The following TIPIN variants were observed in gnomAD, a reference collection of about 807,000 sequenced individuals.
TIPIN encodes TIMELESS interacting protein.
TIPIN carries 29 observed loss-of-function variants against 35.6 expected under a neutral mutation model. The ratio of observed to expected loss-of-function variants is 0.82; its 90% CI spans 0.61 to 1.11. The LOEUF is 1.11. Ranked by LOEUF, TIPIN falls within the 50% of genes most tolerant of loss-of-function variation. The pLI, the probability that TIPIN is intolerant of heterozygous loss-of-function variation, is 0.00. For missense variants in TIPIN, 296 were observed against 345.4 expected (o/e 0.86, Z 1.13); for synonymous variants, 102 against 121.5 (o/e 0.84, Z 1.06).
chr15:66,373,044 G>C (rs1049660104), intron 1 of TIPIN, among the ~76,000 whole-genome samples: 1 of 152,180 alleles, frequency 6.6e-6, no homozygotes, highest in African/African-American at 2.4e-5. Flanking sequence ...GGAGCAATAG[G>C]CTGTATCATG....
Position 66,370,890 on chromosome 15 carries a change from T to C in TIPIN, c.-9+15717A>G, listed in dbSNP as rs140526774. Among the ~76,000 whole-genome samples the C allele has an allele frequency of 2.0e-4, 31 of 152,164 alleles. No individual in the cohort carries two copies. In the East Asian group the frequency reaches 5.6e-3, roughly 27 times the overall value. On this transcript the variant is annotated intron_variant, in intron 1 of 7. Transcript: ENST00000562124. ...CATAAACCTCACTGATCCTATAATA[T>C]CAACTGCACGTGAATATGGATGAAA...
upstream of TIPIN, among the ~76,000 whole-genome samples, chr15:66,360,310 A>G (rs2093225558): frequency 6.6e-6 from 1 of 152,116 alleles, no homozygotes; most frequent in African/African-American, 2.4e-5. Flanking sequence ...CCTTTCAGAA[A>G]ATGTAAAGAT....
intron 1 of TIPIN, chr15:66,379,589 C>T: frequency 1.2e-6 from 2 of 1,610,964 alleles, no homozygotes; most frequent in South Asian, 2.2e-5. Context: ...CAACAACAGA[C>T]CCATTCTCCG....
intron 1 of TIPIN, among the ~76,000 whole-genome samples, chr15:66,373,247 A>T (rs2093284014): frequency 6.6e-6 from 1 of 152,172 alleles, no homozygotes; most frequent in Non-Finnish European, 1.5e-5. Context: ...TAATCCCAGC[A>T]CTTTGGGAGG....
chr15:66,367,314 C>T (rs1425478151), intron 1 of TIPIN, among the ~76,000 whole-genome samples: 1 of 151,202 alleles, frequency 6.6e-6, no homozygotes, highest in Admixed American at 6.6e-5. Context: ...TAAATTAGTA[C>T]ATCTATGTGG....
intron 7 of TIPIN, among the ~76,000 whole-genome samples, chr15:66,338,813 C>CAAAAAAAAAAA (rs35966273): frequency 5.7e-5 from 2 of 35,258 alleles, no homozygotes; most frequent in Non-Finnish European, 1.0e-4. Flanking sequence ...GACTCCGTCT[C>CAAAAAAAAAAA]AAAAAAAAAA....
chr15:66,371,072 G>C (rs2140490139), intron 1 of TIPIN: 1 of 234,308 alleles, frequency 4.3e-6, no homozygotes, highest in Admixed American at 6.5e-5. Context: ...TTAGCCAGGT[G>C]TGGTGGCACA....
chr15:66,379,351 G>A (rs2093309420), intron 1 of TIPIN: 1 of 1,595,524 alleles, frequency 6.3e-7, no homozygotes, highest in East Asian at 2.2e-5. Flanking sequence ...TCATCATCCT[G>A]CTGAACAGTT....
At chr15:66,353,998 C>A (rs543188456) in intron 1 of TIPIN, among the ~76,000 whole-genome samples, 2 of 152,096 alleles carry the variant, frequency 1.3e-5, no homozygotes, top group Non-Finnish European at 2.9e-5. Flanking sequence ...TGGCACGCAC[C>A]TGTAGTCCCA....
chr15:66,350,421 A>G lies in TIPIN; in HGVS notation c.289-984T>C, dbSNP rs533451474. 2.7e-5 allele frequency among the ~76,000 whole-genome samples: 4 copies of G among 148,836 alleles called. No individual in the cohort carries two copies. The East Asian group carries it at 8.4e-4, about 31-fold the overall frequency. On this transcript the variant is annotated intron_variant, in intron 4 of 7. Coordinates refer to ENST00000261881, the MANE Select transcript of TIPIN (RefSeq NM_017858.3). ...GGAGTTCCAGACCAGCTTGGCCAAC[A>G]TGGTGATACCCCATCTCTACCAAAA...
At chr15:66,374,568 TTTTG>T (rs561296488) in intron 1 of TIPIN, among the ~76,000 whole-genome samples, 51 of 151,858 alleles carry the variant, frequency 3.4e-4, no homozygotes, top group African/African-American at 4.3e-4. Context: ...GGCTAATTTT[TTTTG>T]TTTGTTTGTT....
At chr15:66,362,554 C>T (rs1014872481) in intron 1 of TIPIN, among the ~76,000 whole-genome samples, 11 of 151,794 alleles carry the variant, frequency 7.2e-5, no homozygotes, top group South Asian at 2.1e-4. Flanking sequence ...AACCCCATCT[C>T]GACTAAAAAT....
At chr15:66,347,207 CA>C (rs1345778183) in intron 6 of TIPIN, 1 of 506,266 alleles carries the variant, frequency 2.0e-6, no homozygotes, top group Non-Finnish European at 3.9e-6. Context: ...CAAAAACAAA[CA>C]TGTATGGAGC....
intron 6 of TIPIN, among the ~76,000 whole-genome samples, chr15:66,345,163 TG>T (rs2093115756): frequency 6.6e-6 from 1 of 152,126 alleles, no homozygotes; most frequent in Non-Finnish European, 1.5e-5. Context: ...AGTTGTCATT[TG>T]AGCACAGTTT....
chr15:66,341,932 T>A (rs2093090030), intron 6 of TIPIN, among the ~76,000 whole-genome samples: 1 of 152,168 alleles, frequency 6.6e-6, no homozygotes, highest in South Asian at 2.1e-4. Flanking sequence ...ACGCCTGTAA[T>A]CCCAACACTT....
Position 66,351,613 on chromosome 15 carries a change from G to T in TIPIN, c.213-13C>A, listed in dbSNP as rs780659823. The T allele has an allele frequency of 3.7e-5, 57 of 1,531,026 alleles. No individual in the cohort carries two copies. The highest frequency in any genetic ancestry group is 4.9e-5 in the Non-Finnish European group (55 of 1,120,438). The allele number at this position is 1,531,026 out of a possible 1,614,324, so 94.8% of individuals were successfully genotyped here. A position where few individuals can be genotyped will look rare whatever the true frequency, so the allele number is the denominator to read the frequency against. On this transcript the variant is annotated splice_polypyrimidine_tract_variant and intron_variant, in intron 3 of 7. Coordinates refer to ENST00000261881, the MANE Select transcript of TIPIN (RefSeq NM_017858.3). ...CTCTGAAATTAATCTGTGAATAAAA[G>T]TATGTTTTTAATTTCAAGTTTTATT...
intron 1 of TIPIN, among the ~76,000 whole-genome samples, chr15:66,365,407 G>T (rs550326835): frequency 1.3e-5 from 2 of 152,288 alleles, no homozygotes; most frequent in Admixed American, 6.5e-5. Context: ...AGTCTAAAAA[G>T]GGGAGGAACC....
At chr15:66,373,201 TAC>T (rs1227348605) in intron 1 of TIPIN, among the ~76,000 whole-genome samples, 1 of 151,974 alleles carries the variant, frequency 6.6e-6, no homozygotes, top group African/African-American at 2.4e-5. Flanking sequence ...CGAAATAAAA[TAC>T]ACAGTCATGG....
At chr15:66,379,120 G>A in intron 1 of TIPIN, 1 of 548,608 alleles carries the variant, frequency 1.8e-6, no homozygotes, top group Admixed American at 3.5e-5. Flanking sequence ...AACTCCTGGC[G>A]TTAAGCAATT....
Sources: gnomAD v4.1 joint callset for allele counts (sites outside exome capture counted in the v4.1 genomes callset) on GRCh38, gnomAD v4.1.1 for gene constraint, MANE v1.5 for transcripts, NCBI Gene and HGNC (gene_info 2026-07-23, HGNC 2026-07-21) for gene names.